Variants in FMN1 observed in about 807,000 individuals in gnomAD.
FMN1 encodes formin-1.
FMN1 carries 110 observed loss-of-function variants against 132.4 expected under a neutral mutation model. The ratio of observed to expected loss-of-function variants is 0.83; its 90% CI spans 0.71 to 0.97. The LOEUF is 0.97. Among genes scored for constraint, FMN1 ranks in the 50% least tolerant of loss-of-function variants. FMN1 has a pLI of 0.00. For missense variants in FMN1, 1,792 were observed against 1,705.3 expected, an observed-to-expected ratio of 1.05 and a Z score of -0.90; for synonymous variants, 722 against 651.7, an observed-to-expected ratio of 1.11 and a Z score of -1.64.
At position 32,842,925 on chromosome 15, in the gene FMN1, G is replaced by T. The variant is rs150506658; in HGVS notation, c.3928+14090C>A. Reference sequence around the variant, plus strand: ...CAGATCACCTGAGGTCGGGAGATCGGGGCCATCCTGGCCAACATGGAGAAA... The same window carrying T: ...CAGATCACCTGAGGTCGGGAGATCGTGGCCATCCTGGCCAACATGGAGAAA... On this transcript the variant is annotated intron_variant, in intron 17 of 20. Coordinates refer to ENST00000616417, the MANE Select transcript of FMN1 (RefSeq NM_001277313.2). 6.3e-3 allele frequency among the ~76,000 whole-genome samples: 954 copies of T among 151,786 alleles called. 20 individuals are homozygous for T. Among genetic ancestry groups the T allele is most frequent in the South Asian group, 9.4e-3 (45 of 4,802 alleles).
At position 32,774,057 on chromosome 15, in the gene FMN1, G is replaced by T; in HGVS notation, c.*253C>A. On this transcript the variant is annotated 3_prime_UTR_variant, in exon 21 of 21. Coordinates refer to ENST00000616417, the MANE Select transcript of FMN1 (RefSeq NM_001277313.2). ...TCTTCTGCTCTTAGAGTGGACTTTGGGCTTCCACAAGAAACAGTCATCAAA... is the reference window on the plus strand; with the variant it reads ...TCTTCTGCTCTTAGAGTGGACTTTGTGCTTCCACAAGAAACAGTCATCAAA... The T allele has an allele frequency of 2.0e-6, 1 of 489,988 alleles. No individual in the cohort carries two copies. The highest frequency in any genetic ancestry group is 3.1e-5 in the South Asian group (1 of 32,052). The allele number at this position is 489,988 out of a possible 1,614,324, so 30.4% of individuals were successfully genotyped here.
chr15:32,818,073 C>A (rs1395733599), intron 17 of FMN1, among the ~76,000 whole-genome samples: 4 of 152,074 alleles, frequency 2.6e-5, no homozygotes, highest in Admixed American at 2.6e-4. Flanking sequence ...TTTCTCTGAG[C>A]AATGGCCACT....
chr15:33,155,879 CT>C (rs1468396899), intron 3 of FMN1, among the ~76,000 whole-genome samples: 1 of 152,158 alleles, frequency 6.6e-6, no homozygotes, highest in Non-Finnish European at 1.5e-5. Context: ...TCAGAAATGT[CT>C]CTGTGGCTAC....
At chr15:32,964,075 A>G (rs774649152) in intron 9 of FMN1, 32 bp downstream of exon 9, 19 of 1,517,292 alleles carry the variant, frequency 1.3e-5, no homozygotes, top group Middle Eastern at 1.7e-4. Context: ...TGTATAATAT[A>G]TAATTACAGC....
chr15:32,968,242 T>C (rs2031430433), intron 8 of FMN1, among the ~76,000 whole-genome samples: 1 of 152,214 alleles, frequency 6.6e-6, no homozygotes, highest in African/African-American at 2.4e-5. Flanking sequence ...CATGTCTCAT[T>C]CTTTTAATAA....
chr15:32,834,120 T>C (rs1354230455), intron 17 of FMN1, among the ~76,000 whole-genome samples: 1 of 152,250 alleles, frequency 6.6e-6, no homozygotes, highest in Non-Finnish European at 1.5e-5. Context: ...GCCTGTTTTG[T>C]CATACTCTGA....
intron 6 of FMN1, among the ~76,000 whole-genome samples, chr15:33,019,404 C>G (rs546229699): frequency 6.6e-6 from 1 of 152,340 alleles, no homozygotes; most frequent in African/African-American, 2.4e-5. Flanking sequence ...CCACCAGACT[C>G]AGGAGCCCAG....
chr15:33,128,193 C>G (rs546247811), intron 4 of FMN1, among the ~76,000 whole-genome samples: 1 of 151,868 alleles, frequency 6.6e-6, no homozygotes, highest in African/African-American at 2.4e-5. Flanking sequence ...AAATTGCTCC[C>G]GGGAAAAAAA....
intron 16 of FMN1, among the ~76,000 whole-genome samples, chr15:32,885,010 T>C (rs541482925): frequency 6.6e-5 from 10 of 152,352 alleles, no homozygotes; most frequent in Middle Eastern, 3.4e-3. Context: ...TTATTTCCTA[T>C]GATGCAGGTC....
At position 33,048,644 on chromosome 15, in the gene FMN1, A is replaced by AAAAACAAAAAC. The variant is rs1555388958; in HGVS notation, c.2161+16312_2161+16313insGTTTTTGTTTT. On this transcript the variant is annotated intron_variant, in intron 6 of 20. Transcript: ENST00000616417. ...TGGGCAATTTACCAAAAAAAAAAAAAAAAAACCAACAGTTTAATGGACTTA... is the reference window on the plus strand; with the variant it reads ...TGGGCAATTTACCAAAAAAAAAAAAAAAAACAAAAACAAAAACCAACAGTTTAATGGACTTA... Among the ~76,000 whole-genome samples the AAAAACAAAAAC allele has an allele frequency of 2.5e-4, 22 of 86,950 alleles. 3 individuals carry two copies. The highest frequency in any genetic ancestry group is 4.8e-4 in the Admixed American group (3 of 6,302). The allele number at this position is 86,950 out of a possible 152,430, so 57.0% of individuals were successfully genotyped here. A position where few individuals can be genotyped will look rare whatever the true frequency, so the allele number is the denominator to read the frequency against.
intron 7 of FMN1, chr15:32,970,733 T>C (rs1044591532): frequency 1.3e-5 from 2 of 152,058 alleles, no homozygotes; most frequent in Non-Finnish European, 2.9e-5. Context: ...TTTTATACTA[T>C]GATGTTTGCA....
chr15:32,841,066 T>C (rs2058735965), intron 17 of FMN1, among the ~76,000 whole-genome samples: 3 of 152,202 alleles, frequency 2.0e-5, no homozygotes, highest in Admixed American at 2.0e-4. Flanking sequence ...TTTATCCCCT[T>C]GGCTATTACT....
chr15:32,899,487 A>G (rs888412949), intron 14 of FMN1, among the ~76,000 whole-genome samples: 3 of 152,146 alleles, frequency 2.0e-5, no homozygotes, highest in African/African-American at 7.2e-5. Flanking sequence ...GATTGTTTCT[A>G]AAGAGGTAGC....
At chr15:32,880,384 G>C (rs879289454) in intron 16 of FMN1, among the ~76,000 whole-genome samples, 1 of 152,040 alleles carries the variant, frequency 6.6e-6, no homozygotes, top group Non-Finnish European at 1.5e-5. Context: ...TTGTCCAAAC[G>C]TTCAGATATA....
At chr15:32,998,173 T>A (rs1025337040) in intron 7 of FMN1, among the ~76,000 whole-genome samples, 1 of 152,248 alleles carries the variant, frequency 6.6e-6, no homozygotes, top group African/African-American at 2.4e-5. Context: ...AATAAACGTC[T>A]CTGGGCTGTA....
intron 9 of FMN1, among the ~76,000 whole-genome samples, chr15:32,943,859 A>C (rs1159952799): frequency 6.6e-6 from 1 of 152,198 alleles, no homozygotes; most frequent in Non-Finnish European, 1.5e-5. Flanking sequence ...AATTGGGAAA[A>C]CAGAGTGAGA....
intron 9 of FMN1, among the ~76,000 whole-genome samples, chr15:32,944,225 C>T (rs903805155): frequency 3.3e-5 from 5 of 152,210 alleles, no homozygotes; most frequent in Non-Finnish European, 5.9e-5. Context: ...AATGCTGATT[C>T]AGTTTCCTTG....
At chr15:33,156,024 C>A (rs1964656354) in intron 3 of FMN1, among the ~76,000 whole-genome samples, 1 of 152,154 alleles carries the variant, frequency 6.6e-6, no homozygotes, top group Admixed American at 6.5e-5. Flanking sequence ...CCCTTGATAT[C>A]TTTAGTGAAT....
At chr15:33,029,380 T>TA (rs1476632539) in intron 6 of FMN1, among the ~76,000 whole-genome samples, 2 of 151,280 alleles carry the variant, frequency 1.3e-5, no homozygotes, top group Non-Finnish European at 2.9e-5. Flanking sequence ...ATGCTCAGGG[T>TA]AAAGGGAGAG....
Sources: allele counts gnomAD v4.1 joint callset (sites outside exome capture counted in the v4.1 genomes callset), GRCh38; gene constraint gnomAD v4.1.1; transcripts MANE v1.5; gene names NCBI Gene and HGNC (gene_info 2026-07-23, HGNC 2026-07-21).